SYNE2: variants seen among roughly 807,000 people sequenced by gnomAD.
SYNE2 encodes the protein spectrin repeat containing nuclear envelope protein 2, also known as nesprin-2.
In SYNE2, 431 loss-of-function variants were observed where a neutral mutation model predicts 856.3. The ratio of observed to expected loss-of-function variants is 0.50; its 90% CI spans 0.47 to 0.55. The LOEUF (loss-of-function observed/expected upper bound fraction) is 0.55. SYNE2 is among the 20% of genes least tolerant of loss of function. SYNE2 has a pLI of 0.00. For missense variants in SYNE2, 8,129 were observed against 8,023.2 expected (o/e 1.01, Z -0.50); for synonymous variants, 2,923 against 2,872.3 (o/e 1.02, Z -0.56).
In SYNE2 at chr14:63,998,216, T is replaced by C. The variant is rs764351817; in HGVS notation, c.3244-3T>C. ...TCGTTTACTATTTTGCATATTCCCT[T>C]AGGCAATGGAACCCACTATGAAGTT... On this transcript the variant is annotated splice_polypyrimidine_tract_variant and splice_region_variant and intron_variant, in intron 25 of 115. Transcript: ENST00000555002. The C allele has an allele frequency of 1.7e-5, 27 of 1,605,436 alleles. No individual in the cohort carries two copies. In the African/African-American group the frequency reaches 3.2e-4, roughly 19 times the overall value.
chr14:64,062,553 T>A (rs1186562349), intron 49 of SYNE2, among the ~76,000 whole-genome samples, 198 bp from the exon 50 acceptor site: 2 of 152,220 alleles, frequency 1.3e-5, no homozygotes, highest in Non-Finnish European at 2.9e-5. Context: ...TTTTCAAGTT[T>A]GCATTTAAAC....
intron 49 of SYNE2, among the ~76,000 whole-genome samples, chr14:64,060,360 G>A (rs2097306882): frequency 1.3e-5 from 2 of 152,016 alleles, no homozygotes; most frequent in Non-Finnish European, 2.9e-5. Flanking sequence ...TAGTCAGCAG[G>A]CAATGAATCC....
chr14:63,947,716 A>G (rs2096058430), intron 6 of SYNE2, among the ~76,000 whole-genome samples: 2 of 152,140 alleles, frequency 1.3e-5, no homozygotes, highest in South Asian at 4.1e-4. Context: ...GCATGCCTGT[A>G]ATTCCAGCTA....
intron 1 of SYNE2, among the ~76,000 whole-genome samples, chr14:63,880,637 G>A (rs938045063): frequency 1.4e-4 from 21 of 146,978 alleles, no homozygotes; most frequent in African/African-American, 5.3e-4. Context: ...GTTGATCTTA[G>A]TATTTTCTTA....
intron 21 of SYNE2, 98 bp from the exon 22 acceptor site, chr14:63,993,737 C>T (rs2096688243): frequency 2.8e-6 from 3 of 1,068,422 alleles, no homozygotes; most frequent in South Asian, 2.9e-5. Flanking sequence ...TCCCACTTTA[C>T]CAGTTAAAGA....
chr14:64,010,702 C>T (rs2096837274), intron 32 of SYNE2, among the ~76,000 whole-genome samples: 2 of 152,168 alleles, frequency 1.3e-5, no homozygotes, highest in Admixed American at 1.3e-4. Flanking sequence ...TATGACTCTA[C>T]ACCAGAAAGT....
intron 58 of SYNE2, among the ~76,000 whole-genome samples, chr14:64,088,260 T>C (rs2097579208): frequency 6.6e-6 from 1 of 152,216 alleles, no homozygotes; most frequent in South Asian, 2.1e-4. Context: ...TAAAATGTCA[T>C]GTATGTTCTC....
intron 2 of SYNE2, among the ~76,000 whole-genome samples, chr14:63,931,913 A>G (rs1805272303): frequency 1.3e-5 from 2 of 152,184 alleles, no homozygotes; most frequent in Admixed American, 6.5e-5. Context: ...ATTTACCACC[A>G]TGCCTGGCTC....
intron 84 of SYNE2, 74 bp from the exon 85 acceptor site, chr14:64,152,490 A>ATAAGGT (rs2098252104): frequency 2.0e-6 from 3 of 1,467,528 alleles, no homozygotes; most frequent in Non-Finnish European, 2.8e-6. Flanking sequence ...AAAAGAGTGA[A>ATAAGGT]CTCCTGTCTC....
At chr14:64,060,763 A>G (rs527877624) in intron 49 of SYNE2, among the ~76,000 whole-genome samples, 2 of 152,250 alleles carry the variant, frequency 1.3e-5, no homozygotes, top group South Asian at 4.1e-4. Flanking sequence ...TTTCAAGTTT[A>G]TTTAGAACCC....
In SYNE2 at chr14:63,978,725, A is replaced by T. The variant is rs1213794670; in HGVS notation, c.1407-127A>T. On this transcript the variant is annotated intron_variant, in intron 13 of 115. Transcript: ENST00000555002. The stretch of plus-strand genomic sequence containing the variant: ...ATGTTTAAAAAAGAAAAAGACAATG[A>T]TACATCTGAGTTCCATGTGCTTAAA... The T allele has an allele frequency of 7.1e-6, 5 of 708,596 alleles. No individual in the cohort carries two copies. The African/African-American group carries it at 9.0e-5, about 13-fold the overall frequency. The allele number at this position is 708,596 out of a possible 1,614,324, so 43.9% of individuals were successfully genotyped here. A position where few individuals can be genotyped will look rare whatever the true frequency, so the allele number is the denominator to read the frequency against.
chr14:63,868,352 G>C (rs1895968770), intron 1 of SYNE2, among the ~76,000 whole-genome samples: 1 of 151,998 alleles, frequency 6.6e-6, no homozygotes, highest in South Asian at 2.1e-4. Context: ...GTGCACACCT[G>C]TAGTCCCAGC....
At chr14:63,821,556 C>T (rs1432699873) in intron 1 of SYNE2, among the ~76,000 whole-genome samples, 1 of 151,260 alleles carries the variant, frequency 6.6e-6, no homozygotes, top group Non-Finnish European at 1.5e-5. Flanking sequence ...GAGTTCGAGA[C>T]CAGCCTGGCC....
intron 58 of SYNE2, among the ~76,000 whole-genome samples, 181 bp downstream of exon 58, chr14:64,088,037 G>A (rs2097577450): frequency 1.3e-5 from 2 of 152,146 alleles, no homozygotes; most frequent in Admixed American, 1.3e-4. Context: ...ACAAAATTTA[G>A]CTGGGCATCG....
chr14:64,073,448 C>T (rs540520115), intron 52 of SYNE2, among the ~76,000 whole-genome samples: 1 of 152,210 alleles, frequency 6.6e-6, no homozygotes, highest in Non-Finnish European at 1.5e-5. Context: ...AGCTCTGTCT[C>T]AGGAACTACA....
At chr14:63,926,187 C>G (rs1256226352) in intron 2 of SYNE2, among the ~76,000 whole-genome samples, 4 of 152,014 alleles carry the variant, frequency 2.6e-5, no homozygotes, top group Non-Finnish European at 5.9e-5. Flanking sequence ...AAACCCCATA[C>G]CTTTTAACTG....
rs779828187 is a variant in SYNE2, at chr14:64,225,879, G to T, written c.*353G>T. 5.7e-6 allele frequency: 3 copies of T among 529,950 alleles called. No individual in the cohort carries two copies. Among genetic ancestry groups the T allele is most frequent in the Admixed American group, 6.5e-5 (2 of 30,984 alleles). The allele number at this position is 529,950 out of a possible 1,614,324, so 32.8% of individuals were successfully genotyped here. On this transcript the variant is annotated 3_prime_UTR_variant, in exon 116 of 116. Transcript: ENST00000555002. The stretch of plus-strand genomic sequence containing the variant: ...ATGTAGGTATGGTCAATGAGCAGTG[G>T]TGTCCATCACATATATTATAGAAGC...
chr14:64,051,874 A>C lies in SYNE2; in HGVS notation c.7961A>C (p.Lys2654Thr), dbSNP rs1437278972. ...CAGCAACATCTACAGTTAAGGCTGA[A>C]GTCTCCAGAAGAACGGGCAGGGAAC... Reference protein sequence around the residue: ...QQQQHLQLRLKSPEERAGNQS... With the variant: ...QQQQHLQLRLTSPEERAGNQS... The change falls in exon 48 of 116, where the codon AAG becomes ACG. Residue 2654 changes from lysine (K) to threonine (T), a missense_variant. This residue lies in a region of SYNE2 where 5,410 missense variants were observed against 5,284.8 expected (regional missense o/e 1.02). Transcript: ENST00000555002. 5 of 1,614,014 alleles carry C rather than the reference A, an allele frequency of 3.1e-6. No homozygotes were observed. Among genetic ancestry groups the C allele is most frequent in the Non-Finnish European group, 3.4e-6 (4 of 1,180,038 alleles).
chr14:64,097,335 T>TA (rs150415470), intron 61 of SYNE2, among the ~76,000 whole-genome samples: 23,262 of 151,204 alleles, frequency 0.15, 2,258 homozygotes, highest in African/African-American at 0.28. Context: ...AGACTCTGCT[T>TA]AAAAAAAAAG....
Sources: gnomAD v4.1 joint callset for allele counts (sites outside exome capture counted in the v4.1 genomes callset) on GRCh38, gnomAD v4.1.1 for gene constraint, gnomAD v4.1.1 regional missense constraint, MANE v1.5 for transcripts, NCBI Gene and HGNC (gene_info 2026-07-23, HGNC 2026-07-21) for gene names.